The following C17orf99 variants were observed in gnomAD, a reference collection of about 807,000 sequenced individuals.
C17orf99 encodes protein IL-40.
C17orf99 carries 18 observed loss-of-function variants against 22.6 expected under a neutral mutation model. The observed-to-expected ratio is 0.80, with a 90% CI of 0.55 to 1.18. The LOEUF is 1.18. C17orf99 is among the 50% of genes most tolerant of loss of function. C17orf99 has a pLI of 0.00. For missense variants in C17orf99, 328 were observed against 342.7 expected, an observed-to-expected ratio of 0.96 and a Z score of 0.34; for synonymous variants, 147 against 136.6, an observed-to-expected ratio of 1.08 and a Z score of -0.53.
intron 2 of C17orf99, among the ~76,000 whole-genome samples, chr17:78,152,732 A>G (rs551635398): frequency 7.9e-5 from 12 of 150,992 alleles, no homozygotes; most frequent in African/African-American, 2.9e-4. Context: ...CTAGGCCTCC[A>G]AAAGCTCTGG....
intron 2 of C17orf99, chr17:78,158,429 G>C (rs1043997493): frequency 4.7e-6 from 1 of 214,266 alleles, no homozygotes; most frequent in South Asian, 6.3e-5. Context: ...CGAGTAGCTG[G>C]GACTACGGGC....
At chr17:78,160,783 A>G (rs7225593) in intron 2 of C17orf99, 172 bp from the exon 3 acceptor site, 234,881 of 606,744 alleles carry the variant, frequency 0.39, 46,886 homozygotes, top group Middle Eastern at 0.49. Flanking sequence ...GACTTTCACC[A>G]TGTTGGCTAC....
At chr17:78,161,741 G>A (rs1307086964) in intron 3 of C17orf99, among the ~76,000 whole-genome samples, 1 of 151,880 alleles carries the variant, frequency 6.6e-6, no homozygotes, top group Non-Finnish European at 1.5e-5. Context: ...CTACTCAGGA[G>A]GCTGAGGCAG....
rs141245881 is a variant in C17orf99, at chr17:78,164,892, C to T, written c.640+528C>T. ...CATTCAAGGCGTTATCGGACCCTGACCAGTGCTCCCAGGTGCCCTGTAACA... is the reference window on the plus strand; with the variant it reads ...CATTCAAGGCGTTATCGGACCCTGATCAGTGCTCCCAGGTGCCCTGTAACA... On this transcript the variant is annotated intron_variant, in intron 4 of 4. Transcript: ENST00000340363. 6.8e-5 allele frequency: 80 copies of T among 1,173,380 alleles called. No individual in the cohort carries two copies. In the East Asian group the frequency reaches 4.7e-3, roughly 68 times the overall value. 72.7% of individuals were successfully genotyped at this position (1,173,380 alleles called of 1,614,324 possible).
At chr17:78,149,661 G>A (rs1598940368) in intron 2 of C17orf99, among the ~76,000 whole-genome samples, 2 of 151,922 alleles carry the variant, frequency 1.3e-5, no homozygotes, top group Non-Finnish European at 1.5e-5. Context: ...AGCCTCCCAA[G>A]TACCTGGGAC....
At chr17:78,155,397 G>A (rs573071259) in intron 2 of C17orf99, among the ~76,000 whole-genome samples, 77 of 152,154 alleles carry the variant, frequency 5.1e-4, no homozygotes, top group Non-Finnish European at 9.1e-4. Flanking sequence ...TCATGACGTC[G>A]ATGATATTCA....
chr17:78,149,291 C>A (rs2145769502), intron 2 of C17orf99, among the ~76,000 whole-genome samples: 1 of 142,310 alleles, frequency 7.0e-6, no homozygotes, highest in East Asian at 2.1e-4. Flanking sequence ...AAGATCGCAC[C>A]ACTGCACTCC....
At chr17:78,160,264 G>T (rs138255459) in intron 2 of C17orf99, among the ~76,000 whole-genome samples, 9,176 of 152,186 alleles carry the variant, frequency 0.06, 386 homozygotes, top group Non-Finnish European at 0.096. Context: ...GCAGCCGGGC[G>T]CGGTGGCTCA....
intron 2 of C17orf99, among the ~76,000 whole-genome samples, chr17:78,153,567 C>T (rs958490351): frequency 2.0e-5 from 3 of 152,164 alleles, no homozygotes; most frequent in African/African-American, 4.8e-5. Flanking sequence ...GCAAATCAAG[C>T]TTCTATTAAT....
chr17:78,163,202 G>A (rs777645321), intron 3 of C17orf99, among the ~76,000 whole-genome samples: 5 of 152,078 alleles, frequency 3.3e-5, no homozygotes, highest in Admixed American at 6.6e-5. Flanking sequence ...TGCAGTGAGC[G>A]GTGATCACAC....
chr17:78,165,235 CTCTT>C (rs1179435231), intron 4 of C17orf99: 4 of 988,968 alleles, frequency 4.0e-6, no homozygotes, highest in Non-Finnish European at 4.8e-6. Flanking sequence ...GAACTCATCT[CTCTT>C]TGTTTGGGAG....
At chr17:78,157,966 G>C in intron 2 of C17orf99, 1 of 1,223,408 alleles carries the variant, frequency 8.2e-7, no homozygotes, top group Non-Finnish European at 1.2e-6. Context: ...ATATCTGCCT[G>C]TCAACTCATA....
chr17:78,151,202 A>G (rs2075479750), intron 2 of C17orf99, among the ~76,000 whole-genome samples: 1 of 151,880 alleles, frequency 6.6e-6, no homozygotes, highest in Non-Finnish European at 1.5e-5. Flanking sequence ...AGGTGGGCGG[A>G]TCACCTAAGG....
At chr17:78,160,708 C>G (rs1269934649) in intron 2 of C17orf99, 6 of 506,430 alleles carry the variant, frequency 1.2e-5, no homozygotes, top group African/African-American at 3.9e-5. Flanking sequence ...CTTAGCTTCC[C>G]GAGTAGCAGG....
intron 2 of C17orf99, among the ~76,000 whole-genome samples, chr17:78,154,463 G>A (rs1031447717): frequency 2.6e-5 from 4 of 152,086 alleles, no homozygotes; most frequent in East Asian, 1.9e-4. Context: ...CAGGAGAATC[G>A]CTTGAACCCG....
intron 4 of C17orf99, chr17:78,165,081 C>T (rs2075608139): frequency 3.8e-6 from 4 of 1,050,574 alleles, no homozygotes; most frequent in East Asian, 1.1e-4. Context: ...GAGCCTGGGG[C>T]CCAGCCTCCC....
At position 78,161,080 on chromosome 17, in the gene C17orf99, A is replaced by C; in HGVS notation, c.196A>C (p.Lys66Gln). The change falls in exon 3 of 5, where the codon AAG (lysine) becomes CAG (glutamine). Residue 66 changes from lysine (K) to glutamine (Q), a missense_variant. Coordinates refer to ENST00000340363, the MANE Select transcript of C17orf99 (RefSeq NM_001163075.2). ...CATCACCTATTCCCTCTGTGGAACC[A>C]AGAACATCAAGGTGGCCAAGAAGGT... ...PPITYSLCGT[K>Q]NIKVAKKVVK... 2 of 1,551,734 alleles carry C rather than the reference A, an allele frequency of 1.3e-6. No individual in the cohort carries two copies. The highest frequency in any genetic ancestry group is 1.7e-6 in the Non-Finnish European group (2 of 1,146,986).
At position 78,146,862 on chromosome 17, in the gene C17orf99, C is replaced by T; in HGVS notation, c.38-17C>T. 1 of 1,551,362 alleles carries T rather than the reference C, an allele frequency of 6.4e-7. No homozygotes were observed. Among genetic ancestry groups the T allele is most frequent in the Admixed American group, 2.0e-5 (1 of 50,980 alleles). On this transcript the variant is annotated splice_polypyrimidine_tract_variant and intron_variant, in intron 1 of 4. Transcript: ENST00000340363. The surrounding 1 kb of genome is among the most constrained non-coding windows in gnomAD (Gnocchi z 5.2). ...CCACACCAGGCCCTCTCCTTATCGC[C>T]CTTACCTCTCTTACAGCTGCCAGCA...
chr17:78,153,471 C>T (rs4337363), intron 2 of C17orf99, among the ~76,000 whole-genome samples: 20,238 of 150,214 alleles, frequency 0.13, 2,367 homozygotes, highest in African/African-American at 0.32. Context: ...GGCGACAGAG[C>T]AAGACTCCGT....
Sources: allele counts gnomAD v4.1 joint callset (sites outside exome capture counted in the v4.1 genomes callset), GRCh38; gene constraint gnomAD v4.1.1; non-coding constraint Gnocchi (gnomAD v3.1); transcripts MANE v1.5; gene names NCBI Gene and HGNC (gene_info 2026-07-23, HGNC 2026-07-21).